SLAIN2: variants seen among roughly 807,000 people sequenced by gnomAD.
The protein encoded by SLAIN2 is SLAIN motif-containing protein 2.
Under a neutral mutation model 56.6 loss-of-function variants are expected in SLAIN2, and 31 were observed. That is an observed-to-expected ratio of 0.55 (90% CI 0.41 to 0.74). The LOEUF (loss-of-function observed/expected upper bound fraction) is 0.74. Ranked by LOEUF, SLAIN2 falls within the 30% of genes least tolerant of loss-of-function variation. The pLI, the probability that SLAIN2 is intolerant of heterozygous loss-of-function variation, is 0.00. For missense variants in SLAIN2, 777 were observed against 754.2 expected, an observed-to-expected ratio of 1.03 and a Z score of -0.35; for synonymous variants, 317 against 284.9, an observed-to-expected ratio of 1.11 and a Z score of -1.13.
At chr4:48,383,412 G>C (rs913060010) in intron 5 of SLAIN2, among the ~76,000 whole-genome samples, 2 of 151,772 alleles carry the variant, frequency 1.3e-5, no homozygotes, top group African/African-American at 2.4e-5. Flanking sequence ...CCTGTATTTA[G>C]ATTTTGCTTT....
intron 2 of SLAIN2, 23 bp from the exon 3 acceptor site, chr4:48,377,873 T>A (rs768927975): frequency 6.3e-7 from 1 of 1,594,974 alleles, no homozygotes; most frequent in Non-Finnish European, 8.5e-7. Context: ...TTAAATTTGA[T>A]TTTCCCCTTC....
intron 1 of SLAIN2, among the ~76,000 whole-genome samples, chr4:48,357,716 C>T (rs1348047497): frequency 1.3e-5 from 2 of 151,892 alleles, no homozygotes; most frequent in Non-Finnish European, 2.9e-5. Context: ...CCACCACGCC[C>T]GGCTAATTTT....
intron 3 of SLAIN2, 116 bp downstream of exon 3, chr4:48,378,176 G>T (rs575478961): frequency 1.1e-5 from 14 of 1,233,740 alleles, no homozygotes; most frequent in African/African-American, 1.5e-5. Flanking sequence ...CTTTTAACTG[G>T]TTAAAGAAAA....
chr4:48,342,711 CTTTTTTTTTTTTTT>C (rs761272695), intron 1 of SLAIN2, among the ~76,000 whole-genome samples: 1 of 65,938 alleles, frequency 1.5e-5, no homozygotes, highest in Non-Finnish European at 2.6e-5. Flanking sequence ...GATGGTGCTG[CTTTTTTTTTTTTTT>C]TTTTTTTTTT....
At chr4:48,374,420 A>C (rs567969667) in intron 2 of SLAIN2, among the ~76,000 whole-genome samples, 1 of 151,762 alleles carries the variant, frequency 6.6e-6, no homozygotes, top group Non-Finnish European at 1.5e-5. Flanking sequence ...TTGTATTTTT[A>C]CTAGAGACGA....
chr4:48,399,536 C>T (rs1048321433), intron 6 of SLAIN2, among the ~76,000 whole-genome samples: 4 of 152,160 alleles, frequency 2.6e-5, no homozygotes, highest in Non-Finnish European at 5.9e-5. Context: ...CCTTCCAAAA[C>T]TATGTTGAAT....
Position 48,350,315 on chromosome 4 carries a change from A to C in SLAIN2, c.389+8187A>C, listed in dbSNP as rs536605920. 1.1e-4 allele frequency among the ~76,000 whole-genome samples: 17 copies of C among 152,350 alleles called. No individual in the cohort carries two copies. In the East Asian group the frequency reaches 3.3e-3, roughly 29 times the overall value. On this transcript the variant is annotated intron_variant, in intron 1 of 7. Transcript: ENST00000264313. ...CCTGGTGCTGATACCCTGGTAGCCC[A>C]AAAAGGCTACTTGCCTTCTACTTCC...
intron 1 of SLAIN2, among the ~76,000 whole-genome samples, chr4:48,360,853 G>A (rs569907102): frequency 6.6e-6 from 1 of 152,174 alleles, no homozygotes; most frequent in South Asian, 2.1e-4. Context: ...CATATCAATG[G>A]TATCATACAA....
At position 48,379,740 on chromosome 4, in the gene SLAIN2, A is replaced by G. The variant is rs762134889; in HGVS notation, c.754A>G (p.Ile252Val). ...TCCTCCACTCAGTCCTCAGTCCTCT[A>G]TAGATAGTGAGTTAAGTGCTTCAGA... ...RNPPLSPQSS[I>V]DSELSASELD... The change falls in exon 4 of 8, where the codon ATA becomes GTA. Residue 252 changes from isoleucine (I) to valine (V), a missense_variant. Coordinates refer to ENST00000264313, the MANE Select transcript of SLAIN2 (RefSeq NM_020846.2). 2.5e-5 allele frequency: 39 copies of G among 1,591,278 alleles called. No homozygotes were observed. Among genetic ancestry groups the G allele is most frequent in the Non-Finnish European group, 2.9e-5 (34 of 1,170,798 alleles).
intron 6 of SLAIN2, among the ~76,000 whole-genome samples, chr4:48,394,404 C>T (rs1716324139): frequency 1.3e-5 from 2 of 152,330 alleles, no homozygotes; most frequent in African/African-American, 4.8e-5. Flanking sequence ...ACTTAATGCA[C>T]TAAGCATCAC....
At chr4:48,403,431 C>T (rs1716609716) in intron 6 of SLAIN2, among the ~76,000 whole-genome samples, 1 of 152,140 alleles carries the variant, frequency 6.6e-6, no homozygotes, top group African/African-American at 2.4e-5. Flanking sequence ...GAGGCCTTGC[C>T]CAGTGAGGAG....
At chr4:48,385,279 T>C (rs1288035246) in intron 6 of SLAIN2, among the ~76,000 whole-genome samples, 1 of 152,244 alleles carries the variant, frequency 6.6e-6, no homozygotes, top group African/African-American at 2.4e-5. Flanking sequence ...TGATTACAGT[T>C]ATTTTTATGA....
At chr4:48,364,253 GGC>G (rs1473647185) in intron 1 of SLAIN2, among the ~76,000 whole-genome samples, 1 of 89,620 alleles carries the variant, frequency 1.1e-5, no homozygotes, top group Non-Finnish European at 2.5e-5. Flanking sequence ...GCGGGGCAGA[GGC>G]GCTCCCCACA....
intron 1 of SLAIN2, among the ~76,000 whole-genome samples, chr4:48,346,559 CTTTG>C (rs1714873133): frequency 6.6e-6 from 1 of 152,144 alleles, no homozygotes; most frequent in South Asian, 2.1e-4. Context: ...TGTATGACCT[CTTTG>C]TTTATGTATG....
intron 6 of SLAIN2, among the ~76,000 whole-genome samples, chr4:48,416,484 T>G (rs1716997955): frequency 7.1e-6 from 1 of 140,302 alleles, no homozygotes; most frequent in Admixed American, 7.4e-5. Context: ...GTTTTCTAGA[T>G]AAACAATCAT....
intron 2 of SLAIN2, among the ~76,000 whole-genome samples, chr4:48,374,545 C>A (rs951993510): frequency 2.0e-5 from 3 of 152,078 alleles, no homozygotes; most frequent in African/African-American, 7.2e-5. Flanking sequence ...TGGCACCCGG[C>A]CAATTGTGGA....
chr4:48,371,456 T>C lies in SLAIN2; in HGVS notation c.538+1459T>C, dbSNP rs577935543. ...ACTATCAGCTTATTTGTTTGAATTA[T>C]ACCCTGAAGCTTGATGTAAGTTATA... On this transcript the variant is annotated intron_variant, in intron 2 of 7. Transcript: ENST00000264313. 3.9e-5 allele frequency among the ~76,000 whole-genome samples: 6 copies of C among 152,306 alleles called. No individual in the cohort carries two copies. The South Asian group carries it at 1.0e-3, about 26-fold the overall frequency.
chr4:48,402,550 T>G (rs1716581468), intron 6 of SLAIN2, among the ~76,000 whole-genome samples: 1 of 152,244 alleles, frequency 6.6e-6, no homozygotes, highest in Admixed American at 6.5e-5. Context: ...TCTCTTCTGC[T>G]GTTGATACTT....
intron 1 of SLAIN2, among the ~76,000 whole-genome samples, chr4:48,356,498 A>G (rs529767466): frequency 6.6e-6 from 1 of 152,344 alleles, no homozygotes; most frequent in East Asian, 1.9e-4. Context: ...AGCTGAAAAG[A>G]TACGTGCTAG....
Sources: allele counts gnomAD v4.1 joint callset (sites outside exome capture counted in the v4.1 genomes callset), GRCh38; gene constraint gnomAD v4.1.1; transcripts MANE v1.5; gene names NCBI Gene and HGNC (gene_info 2026-07-23, HGNC 2026-07-21).